Variants in SRBD1 observed in about 807,000 individuals in gnomAD.
SRBD1 encodes S1 RNA-binding domain-containing protein 1.
A neutral mutation model predicts 115.3 loss-of-function variants in SRBD1; 88 were observed. The ratio of observed to expected loss-of-function variants is 0.76; its 90% CI spans 0.64 to 0.91. The LOEUF is 0.91. Among genes scored for constraint, SRBD1 ranks in the 40% least tolerant of loss-of-function variants. The pLI is 0.00. For missense variants in SRBD1, 1,385 were observed against 1,177.4 expected, an observed-to-expected ratio of 1.18 and a Z score of -2.58; for synonymous variants, 509 against 407.7, an observed-to-expected ratio of 1.25 and a Z score of -2.99.
At chr2:45,609,736 T>C (rs977372839) in intron 1 of SRBD1, among the ~76,000 whole-genome samples, 1 of 152,194 alleles carries the variant, frequency 6.6e-6, no homozygotes, top group African/African-American at 2.4e-5. Flanking sequence ...GATCTTAACA[T>C]TTCAGGCCTA....
At position 45,611,025 on chromosome 2, in the gene SRBD1, G is replaced by A. The variant is rs565739286; in HGVS notation, c.-1+194C>T. Among the ~76,000 whole-genome samples, 13 of 152,328 alleles carry A rather than the reference G, an allele frequency of 8.5e-5. No homozygotes were observed. The East Asian group carries it at 1.2e-3, about 14-fold the overall frequency. On this transcript the variant is annotated intron_variant, in intron 1 of 20. Coordinates refer to ENST00000263736, the MANE Select transcript of SRBD1 (RefSeq NM_018079.5). ...GAAAAGAGGTGTCACGAGGTAGCTA[G>A]GAGGGGTTTTCGGGTGGTCGGTTGT...
chr2:45,479,508 T>C lies in SRBD1; in HGVS notation c.1967-2433A>G, dbSNP rs1417526342. On this transcript the variant is annotated intron_variant, in intron 15 of 20. Coordinates refer to ENST00000263736, the MANE Select transcript of SRBD1 (RefSeq NM_018079.5). The stretch of plus-strand genomic sequence containing the variant: ...CTGAGTGATTAAACCAGCCACAACA[T>C]TCCCTTAAGCCAAAGTGTAATCCTG... Among the ~76,000 whole-genome samples, 4 of 152,162 alleles carry C rather than the reference T, an allele frequency of 2.6e-5. No homozygotes were observed. The East Asian group carries it at 7.7e-4, about 29-fold the overall frequency.
Position 45,403,766 on chromosome 2 carries a change from G to T in SRBD1, c.2513+9348C>A, listed in dbSNP as rs554859780. 2.4e-3 allele frequency among the ~76,000 whole-genome samples: 361 copies of T among 152,054 alleles called. 1 individual carries two copies. Among genetic ancestry groups the T allele is most frequent in the Non-Finnish European group, 4.3e-3 (293 of 67,956 alleles). On this transcript the variant is annotated intron_variant, in intron 19 of 20. Coordinates refer to ENST00000263736, the MANE Select transcript of SRBD1 (RefSeq NM_018079.5). ...TGGGGTATGGTGGAGTAACCAAGGG[G>T]TACATCAAAAGCAGCTTTTTAATGA...
intron 16 of SRBD1, among the ~76,000 whole-genome samples, chr2:45,460,458 C>T (rs556724395): frequency 3.0e-4 from 46 of 152,044 alleles, no homozygotes; most frequent in African/African-American, 1.0e-3. Context: ...GGAAGGGAGT[C>T]GAGGAAACAG....
intron 16 of SRBD1, among the ~76,000 whole-genome samples, chr2:45,422,799 A>G (rs1328909421): frequency 6.6e-6 from 1 of 152,242 alleles, no homozygotes; most frequent in Non-Finnish European, 1.5e-5. Context: ...TGTATTTTTC[A>G]GAAAGAATGT....
chr2:45,592,034 T>G (rs1286628137), intron 4 of SRBD1, among the ~76,000 whole-genome samples: 2 of 152,156 alleles, frequency 1.3e-5, no homozygotes, highest in African/African-American at 4.8e-5. Flanking sequence ...CAGTCTCTCC[T>G]GTGCTATTCT....
chr2:45,469,006 T>G (rs551131467), intron 16 of SRBD1, among the ~76,000 whole-genome samples: 1 of 152,320 alleles, frequency 6.6e-6, no homozygotes, highest in South Asian at 2.1e-4. Flanking sequence ...TTCTTTTGTA[T>G]CTCCTCTTCT....
At chr2:45,445,088 C>G (rs1668781494) in intron 16 of SRBD1, among the ~76,000 whole-genome samples, 1 of 152,146 alleles carries the variant, frequency 6.6e-6, no homozygotes, top group Non-Finnish European at 1.5e-5. Context: ...GAAAAAGCAT[C>G]TAAAGTTTCA....
intron 16 of SRBD1, among the ~76,000 whole-genome samples, chr2:45,421,522 A>C (rs1668005381): frequency 7.7e-6 from 1 of 130,446 alleles, no homozygotes; most frequent in East Asian, 2.1e-4. Context: ...AAAAAAAAAA[A>C]AAAAAAAAAA....
chr2:45,480,275 T>C (rs776484026), intron 15 of SRBD1, among the ~76,000 whole-genome samples: 22 of 152,312 alleles, frequency 1.4e-4, no homozygotes, highest in Admixed American at 9.8e-4. Flanking sequence ...TGTAAGGCTA[T>C]AGCTGCCATA....
chr2:45,531,544 TAA>T (rs112785323), intron 14 of SRBD1, among the ~76,000 whole-genome samples: 1 of 151,626 alleles, frequency 6.6e-6, no homozygotes, highest in Non-Finnish European at 1.5e-5. Flanking sequence ...AGTTCTACAG[TAA>T]AGACGATAGG....
chr2:45,606,223 G>A (rs1275389229), intron 1 of SRBD1, among the ~76,000 whole-genome samples: 2 of 144,148 alleles, frequency 1.4e-5, no homozygotes, highest in Non-Finnish European at 3.0e-5. Context: ...GCAATGGCAC[G>A]ATATTGGCTC....
chr2:45,494,541 C>G (rs952779363), intron 14 of SRBD1, among the ~76,000 whole-genome samples: 1 of 152,000 alleles, frequency 6.6e-6, no homozygotes, highest in African/African-American at 2.4e-5. Context: ...AGAATAAGTT[C>G]TCAACTTTTA....
rs1670182059 is a variant in SRBD1, at chr2:45,488,282, T to C, written c.1924A>G (p.Asn642Asp). Reference sequence around the variant, plus strand: ...GGGTCCAGCCCTGGCATCTCTTTGTTAGCTTCAGGGCTGACACTGTAGATT... The same window carrying C: ...GGGTCCAGCCCTGGCATCTCTTTGTCAGCTTCAGGGCTGACACTGTAGATT... ...ASIYSVSPEA[N>D]KEMPGLDPNL... The change falls in exon 15 of 21, where the codon AAC becomes GAC. Residue 642 changes from asparagine (N) to aspartate (D), a missense_variant. Transcript: ENST00000263736. 5 of 1,614,030 alleles carry C rather than the reference T, an allele frequency of 3.1e-6. No individual in the cohort carries two copies. Among genetic ancestry groups the C allele is most frequent in the Non-Finnish European group, 4.2e-6 (5 of 1,179,966 alleles).
At chr2:45,588,148 C>T (rs1249208046) in intron 4 of SRBD1, among the ~76,000 whole-genome samples, 1 of 152,168 alleles carries the variant, frequency 6.6e-6, no homozygotes, top group East Asian at 1.9e-4. Flanking sequence ...TCATCTATTC[C>T]AGTATACACA....
intron 1 of SRBD1, among the ~76,000 whole-genome samples, chr2:45,606,320 C>T (rs1436775644): frequency 2.0e-5 from 3 of 152,072 alleles, no homozygotes; most frequent in African/African-American, 4.8e-5. Flanking sequence ...CCAACACACC[C>T]GGCTAATTTT....
At chr2:45,428,195 C>G (rs531355701) in intron 16 of SRBD1, among the ~76,000 whole-genome samples, 9 of 152,310 alleles carry the variant, frequency 5.9e-5, no homozygotes, top group African/African-American at 2.2e-4. Context: ...GATTAAGAAA[C>G]TCACTCAAAA....
At chr2:45,575,004 T>C (rs995185057) in intron 7 of SRBD1, among the ~76,000 whole-genome samples, 1 of 152,172 alleles carries the variant, frequency 6.6e-6, no homozygotes, top group Admixed American at 6.5e-5. Context: ...CATTTGCCAG[T>C]TGTGAGACAC....
intron 14 of SRBD1, among the ~76,000 whole-genome samples, chr2:45,493,828 A>T (rs1416206533): frequency 1.3e-5 from 2 of 151,664 alleles, no homozygotes; most frequent in African/African-American, 2.4e-5. Flanking sequence ...AAAAAAAAAT[A>T]AAATAAATTA....
Sources: allele counts gnomAD v4.1 joint callset (sites outside exome capture counted in the v4.1 genomes callset), GRCh38; gene constraint gnomAD v4.1.1; transcripts MANE v1.5; gene names NCBI Gene and HGNC (gene_info 2026-07-23, HGNC 2026-07-21).